Variants in LHFPL2 observed in about 807,000 individuals in gnomAD.
LHFPL2 encodes LHFPL tetraspan subfamily member 2.
LHFPL2 carries 7 observed loss-of-function variants against 17.5 expected under a neutral mutation model. The observed-to-expected ratio is 0.40, with a 90% CI of 0.23 to 0.75. The LOEUF (loss-of-function observed/expected upper bound fraction) is 0.75, where lower values mean the gene tolerates loss of function less well. Among genes scored for constraint, LHFPL2 ranks in the 30% least tolerant of loss-of-function variants. The probability of loss-of-function intolerance (pLI) is 0.37; values close to 1 mark genes in which losing one functional copy is unlikely to be tolerated. For missense variants in LHFPL2, 241 were observed against 294.8 expected (o/e 0.82, Z 1.34); for synonymous variants, 134 against 116.2 (o/e 1.15, Z -0.99).
intron 4 of LHFPL2, among the ~76,000 whole-genome samples, chr5:78,499,417 A>G (rs1251470441): frequency 2.0e-5 from 3 of 152,238 alleles, no homozygotes; most frequent in African/African-American, 7.2e-5. Flanking sequence ...TTGACATATG[A>G]GGAAACTGAG....
At chr5:78,555,783 C>A (rs958831635) in intron 3 of LHFPL2, among the ~76,000 whole-genome samples, 2 of 151,888 alleles carry the variant, frequency 1.3e-5, no homozygotes, top group South Asian at 2.1e-4. Context: ...CCAGAGGATG[C>A]GAAAAGGTAA....
chr5:78,545,266 A>T (rs1756235825), intron 3 of LHFPL2, among the ~76,000 whole-genome samples: 1 of 152,114 alleles, frequency 6.6e-6, no homozygotes, highest in Non-Finnish European at 1.5e-5. Context: ...CACATTCCCC[A>T]TCAGGAGGCA....
intron 2 of LHFPL2, among the ~76,000 whole-genome samples, chr5:78,604,893 A>G (rs1465554978): frequency 6.6e-6 from 1 of 152,234 alleles, no homozygotes; most frequent in African/African-American, 2.4e-5. Context: ...CTTAAACCAC[A>G]GCACTAAAGC....
intron 4 of LHFPL2, chr5:78,491,130 A>G (rs2112286450): frequency 6.6e-6 from 1 of 152,372 alleles, no homozygotes; most frequent in East Asian, 1.9e-4. Flanking sequence ...CCAGCTTGGC[A>G]TGTCACTACC....
At chr5:78,579,035 T>C (rs914974218) in intron 2 of LHFPL2, among the ~76,000 whole-genome samples, 1 of 152,198 alleles carries the variant, frequency 6.6e-6, no homozygotes, top group Non-Finnish European at 1.5e-5. Flanking sequence ...ACATTCCGTC[T>C]AACAGGGATT....
rs1754293985 is a variant in LHFPL2 at position 78,487,683 on chromosome 5, T to G, written c.*1214A>C. On this transcript the variant is annotated 3_prime_UTR_variant, in exon 5 of 5. Transcript: ENST00000380345. ...CCTTATTCATAGTGGTATTTGATTC[T>G]TTTTGTAAACAGGTGTAGGCAGTGC... is the stretch of plus-strand genomic sequence containing the variant. The G allele has an allele frequency of 6.6e-6, 1 of 152,230 alleles. No homozygotes were observed. Among genetic ancestry groups the G allele is most frequent in the Non-Finnish European group, 1.5e-5 (1 of 68,028 alleles). 9.4% of individuals were successfully genotyped at this position (152,230 alleles called of 1,614,324 possible).
intron 1 of LHFPL2, among the ~76,000 whole-genome samples, chr5:78,646,022 T>C (rs1580890513): frequency 1.3e-5 from 2 of 152,380 alleles, no homozygotes; most frequent in Middle Eastern, 3.4e-3. Context: ...TGTTCATTAC[T>C]ATAGTTTTCT....
intron 2 of LHFPL2, among the ~76,000 whole-genome samples, chr5:78,570,755 A>AATAG (rs1756979460): frequency 6.6e-6 from 1 of 151,844 alleles, no homozygotes; most frequent in Non-Finnish European, 1.5e-5. Context: ...CTTGTTCCAG[A>AATAG]ATAGGTTATT....
At chr5:78,494,330 A>G in intron 4 of LHFPL2, 1 of 983,130 alleles carries the variant, frequency 1.0e-6, no homozygotes, top group Non-Finnish European at 1.2e-6. Flanking sequence ...CACCATGGAA[A>G]GAAGCCATAG....
chr5:78,570,352 C>T lies in LHFPL2; in HGVS notation c.-244-5481G>A, dbSNP rs189981018. Among the ~76,000 whole-genome samples, 316 of 152,110 alleles carry T rather than the reference C, an allele frequency of 2.1e-3. 1 individual carries two copies. The highest frequency in any genetic ancestry group is 3.4e-3 in the Non-Finnish European group (232 of 67,996). On this transcript the variant is annotated intron_variant, in intron 2 of 4. Transcript: ENST00000380345. ...CAGGAATTCCGGCATGAGAAGAAAG[C>T]GCAGGAGGCAAGGAGGAATCGCAGG...
chr5:78,613,031 G>T (rs1744470337), intron 2 of LHFPL2, among the ~76,000 whole-genome samples: 3 of 152,220 alleles, frequency 2.0e-5, no homozygotes. Context: ...GTGGTTCCAT[G>T]GAGCAGGCAG....
Position 78,488,563 on chromosome 5 carries a change from G to A in LHFPL2, c.*334C>T, listed in dbSNP as rs990453078. On this transcript the variant is annotated 3_prime_UTR_variant, in exon 5 of 5. Coordinates refer to ENST00000380345, the MANE Select transcript of LHFPL2 (RefSeq NM_005779.3). ...AAACAGCCTGCAGATCTGGCGGACG[G>A]TCTCTTCCGTTACCAGAGAAACTGC... is the stretch of plus-strand genomic sequence containing the variant. 3.8e-5 allele frequency: 11 copies of A among 288,056 alleles called. No individual in the cohort carries two copies. The highest frequency in any genetic ancestry group is 6.1e-5 in the Non-Finnish European group (9 of 148,670). The allele number at this position is 288,056 out of a possible 1,614,324, so 17.8% of individuals were successfully genotyped here.
At chr5:78,503,111 C>A (rs1331510928) in intron 4 of LHFPL2, among the ~76,000 whole-genome samples, 1 of 150,140 alleles carries the variant, frequency 6.7e-6, no homozygotes, top group African/African-American at 2.5e-5. Flanking sequence ...ATAGAAGATG[C>A]AGATTATTTT....
chr5:78,547,877 G>A (rs1330071787), intron 3 of LHFPL2, among the ~76,000 whole-genome samples: 1 of 152,254 alleles, frequency 6.6e-6, no homozygotes, highest in Non-Finnish European at 1.5e-5. Flanking sequence ...GGCCAGGAGG[G>A]TTGGGGCTGG....
intron 4 of LHFPL2, among the ~76,000 whole-genome samples, chr5:78,490,646 G>C (rs148275258): frequency 0.02 from 3,078 of 150,928 alleles, 116 homozygotes; most frequent in African/African-American, 0.07. Context: ...TACTGGGAAG[G>C]CTGAGGCAGA....
At chr5:78,609,261 C>T (rs1314799213) in intron 2 of LHFPL2, among the ~76,000 whole-genome samples, 1 of 151,636 alleles carries the variant, frequency 6.6e-6, no homozygotes, top group African/African-American at 2.4e-5. Context: ...GACCAGCCTG[C>T]CCAACATGGT....
At chr5:78,583,930 T>C (rs1452031999) in intron 2 of LHFPL2, among the ~76,000 whole-genome samples, 1 of 151,868 alleles carries the variant, frequency 6.6e-6, no homozygotes, top group South Asian at 2.1e-4. Context: ...CAATCAGACG[T>C]AGATTTGGTC....
intron 2 of LHFPL2, among the ~76,000 whole-genome samples, chr5:78,602,523 T>G (rs544302699): frequency 6.6e-6 from 1 of 152,330 alleles, no homozygotes; most frequent in African/African-American, 2.4e-5. Flanking sequence ...TTAGATTTAG[T>G]CTTCATTTGT....
At chr5:78,620,150 C>T (rs1744796432) in intron 2 of LHFPL2, among the ~76,000 whole-genome samples, 1 of 132,860 alleles carries the variant, frequency 7.5e-6, no homozygotes, top group South Asian at 2.8e-4. Context: ...TATTTCTCCA[C>T]ATCCTCTCCA....
Sources: gnomAD v4.1 joint callset for allele counts (sites outside exome capture counted in the v4.1 genomes callset) on GRCh38, gnomAD v4.1.1 for gene constraint, MANE v1.5 for transcripts, NCBI Gene and HGNC (gene_info 2026-07-23, HGNC 2026-07-21) for gene names.